Variants in MTUS2 observed in about 807,000 individuals in gnomAD.
MTUS2 encodes the protein microtubule associated scaffold protein 2, also known as microtubule-associated tumor suppressor candidate 2.
In MTUS2, 40 loss-of-function variants were observed where a neutral mutation model predicts 114.1. The ratio of observed to expected loss-of-function variants is 0.35; its 90% confidence interval spans 0.27 to 0.46. The LOEUF is 0.46. Ranked by LOEUF, MTUS2 falls within the 20% of genes least tolerant of loss-of-function variation. The pLI, the probability that MTUS2 is intolerant of heterozygous loss-of-function variation, is 1.00. For synonymous variants in MTUS2, 688 were observed against 672.0 expected, an observed-to-expected ratio of 1.02 and a Z score of -0.37; for missense variants, 1,679 against 1,705.4, an observed-to-expected ratio of 0.98 and a Z score of 0.27.
At chr13:29,412,341 GATA>G (rs1304108588) in intron 8 of MTUS2, among the ~76,000 whole-genome samples, 12 of 152,164 alleles carry the variant, frequency 7.9e-5, no homozygotes, top group African/African-American at 2.7e-4. Context: ...CATCTATGGA[GATA>G]ATAATATTTT....
At chr13:29,088,173 G>T (rs1328555779) in intron 4 of MTUS2, among the ~76,000 whole-genome samples, 2 of 152,026 alleles carry the variant, frequency 1.3e-5, no homozygotes, top group South Asian at 2.1e-4. Context: ...CTGGTATGTT[G>T]TATGTTTGTT....
At chr13:29,057,363 T>C (rs7334030) in intron 4 of MTUS2, among the ~76,000 whole-genome samples, 87,945 of 151,850 alleles carry the variant, frequency 0.58, 25,843 homozygotes, top group South Asian at 0.73. Flanking sequence ...TAGTTTTCTG[T>C]CTCAATGATC....
chr13:28,931,007 G>A (rs1025769290), intron 2 of MTUS2, among the ~76,000 whole-genome samples: 25 of 152,220 alleles, frequency 1.6e-4, no homozygotes, highest in South Asian at 4.1e-4. Flanking sequence ...CTGGGTCATG[G>A]TTTTAACTAA....
At chr13:28,891,858 C>CAAAAAAAAAAAAAA (rs1169875500) in intron 2 of MTUS2, among the ~76,000 whole-genome samples, 35 of 52,048 alleles carry the variant, frequency 6.7e-4, no homozygotes, top group Non-Finnish European at 9.7e-4. Flanking sequence ...GACTCTGTCT[C>CAAAAAAAAAAAAAA]AAAAAAAAAA....
chr13:28,997,809 A>G (rs1358896453), intron 2 of MTUS2, among the ~76,000 whole-genome samples: 47 of 146,964 alleles, frequency 3.2e-4, no homozygotes, highest in South Asian at 6.5e-4. Flanking sequence ...GGGTTTCCTG[A>G]ATACAGCACA....
At chr13:29,234,347 A>G (rs1262132267) in intron 5 of MTUS2, among the ~76,000 whole-genome samples, 1 of 152,154 alleles carries the variant, frequency 6.6e-6, no homozygotes, top group East Asian at 1.9e-4. Flanking sequence ...GTAAATGCAC[A>G]TAGACTTGTG....
chr13:29,302,428 A>C (rs1899245798), intron 6 of MTUS2, among the ~76,000 whole-genome samples: 1 of 152,206 alleles, frequency 6.6e-6, no homozygotes, highest in South Asian at 2.1e-4. Context: ...GAGTTTTGGC[A>C]GAGCAGCCAC....
rs748675507 is a variant in MTUS2 at position 29,026,547 on chromosome 13, A to C, written c.1849A>C (p.Asn617His). 1 of 1,613,952 alleles carries C rather than the reference A, an allele frequency of 6.2e-7. No individual in the cohort carries two copies. Among genetic ancestry groups the C allele is most frequent in the Non-Finnish European group, 8.5e-7 (1 of 1,179,868 alleles). ...ACCTTCCTCGCAGGAGGGAATGGAG[A>C]ACTATCAGGTTGAAAAAACAGAGGA... Reference protein sequence around the residue: ...DTPSSQEGMENYQVEKTEERT... With the variant: ...DTPSSQEGMEHYQVEKTEERT... The change falls in exon 3 of 16, where the codon AAC becomes CAC. Residue 617 changes from asparagine (N) to histidine (H), a missense_variant. By Grantham distance (68) the Asn-to-His change is moderately conservative. Around this residue, in one of 3 missense-constraint regions of MTUS2, gnomAD observed 843 missense variants for 770.8 expected, o/e 1.09. Transcript: ENST00000612955.
At chr13:28,887,659 A>G (rs981358399) in intron 2 of MTUS2, among the ~76,000 whole-genome samples, 1 of 152,202 alleles carries the variant, frequency 6.6e-6, no homozygotes, top group African/African-American at 2.4e-5. Flanking sequence ...CCTTGCAGGC[A>G]TGTGCCAAGG....
At chr13:28,917,762 T>G (rs1389452661) in intron 2 of MTUS2, among the ~76,000 whole-genome samples, 3 of 151,940 alleles carry the variant, frequency 2.0e-5, no homozygotes, top group Non-Finnish European at 2.9e-5. Context: ...CTACTAATTT[T>G]GGGTTTGGCT....
At chr13:29,270,648 G>A (rs943203060) in intron 5 of MTUS2, among the ~76,000 whole-genome samples, 3 of 152,212 alleles carry the variant, frequency 2.0e-5, no homozygotes, top group African/African-American at 7.2e-5. Context: ...GGCACGTGGG[G>A]CTGGTACCAT....
At chr13:29,118,606 G>A (rs1281394146) in intron 5 of MTUS2, among the ~76,000 whole-genome samples, 1 of 152,206 alleles carries the variant, frequency 6.6e-6, no homozygotes, top group Non-Finnish European at 1.5e-5. Context: ...ACATTTGTGG[G>A]AGTCTGTTAG....
At chr13:28,864,120 T>C (rs1408292940) in intron 2 of MTUS2, among the ~76,000 whole-genome samples, 1 of 152,232 alleles carries the variant, frequency 6.6e-6, no homozygotes, top group East Asian at 1.9e-4. Context: ...TCTCCTCTTC[T>C]ACCCCTTTGC....
chr13:29,179,568 A>G (rs1380015150), intron 5 of MTUS2, among the ~76,000 whole-genome samples: 10 of 152,340 alleles, frequency 6.6e-5, no homozygotes, highest in Admixed American at 5.2e-4. Context: ...ATGTTAGACA[A>G]TGATGCCATG....
Position 29,480,125 on chromosome 13 carries a change from G to C in MTUS2, c.3185-25G>C, listed in dbSNP as rs759013766. ...ATGCCTCCTACGGCCATTTTTTAAA[G>C]AAAGATCTTGTGCTTTGCGCCCAGC... On this transcript the variant is annotated intron_variant, in intron 9 of 15. Coordinates refer to ENST00000612955, the MANE Select transcript of MTUS2 (RefSeq NM_001033602.4). The surrounding 1 kb of genome is among the most constrained non-coding windows in gnomAD (Gnocchi z 4.4). 1.9e-5 allele frequency: 30 copies of C among 1,549,860 alleles called. No individual in the cohort carries two copies. Among genetic ancestry groups the C allele is most frequent in the Non-Finnish European group, 2.6e-5 (30 of 1,145,918 alleles).
intron 2 of MTUS2, among the ~76,000 whole-genome samples, chr13:28,978,148 T>C (rs987542653): frequency 3.9e-5 from 6 of 152,238 alleles, no homozygotes; most frequent in Non-Finnish European, 8.8e-5. Context: ...TTAACCACTT[T>C]TATTGCACTT....
chr13:28,933,185 A>T (rs974986414), intron 2 of MTUS2, among the ~76,000 whole-genome samples: 2 of 151,726 alleles, frequency 1.3e-5, no homozygotes, highest in Non-Finnish European at 2.9e-5. Flanking sequence ...CTGTTAACTT[A>T]TCTATTTATC....
At chr13:28,829,679 T>C (rs1010117414) in intron 1 of MTUS2, among the ~76,000 whole-genome samples, 4 of 152,244 alleles carry the variant, frequency 2.6e-5, no homozygotes, top group Admixed American at 1.3e-4. Context: ...TCAAAGCTTG[T>C]TTTGCAGAGC....
intron 9 of MTUS2, among the ~76,000 whole-genome samples, chr13:29,479,205 G>T (rs1880958629): frequency 6.6e-6 from 1 of 152,220 alleles, no homozygotes; most frequent in Non-Finnish European, 1.5e-5. Context: ...AGCGAGCATG[G>T]TAGACCTTTG....
Sources: allele counts gnomAD v4.1 joint callset (sites outside exome capture counted in the v4.1 genomes callset), GRCh38; gene constraint gnomAD v4.1.1; regional missense constraint gnomAD v4.1.1; non-coding constraint Gnocchi (gnomAD v3.1); transcripts MANE v1.5; gene names NCBI Gene and HGNC (gene_info 2026-07-23, HGNC 2026-07-21).